The following SH3RF1 variants were observed in gnomAD, a reference collection of about 807,000 sequenced individuals.
SH3RF1 encodes SH3 domain containing ring finger 1.
A neutral mutation model predicts 74.0 loss-of-function variants in SH3RF1; 32 were observed. That is an observed-to-expected ratio of 0.43 (90% CI 0.33 to 0.58). The LOEUF (loss-of-function observed/expected upper bound fraction) is 0.58, where lower values mean the gene tolerates loss of function less well. Among genes scored for constraint, SH3RF1 ranks in the 20% least tolerant of loss-of-function variants. The probability of loss-of-function intolerance (pLI) is 0.05; values close to 1 mark genes in which losing one functional copy is unlikely to be tolerated. For synonymous variants in SH3RF1, 396 were observed against 439.6 expected, an observed-to-expected ratio of 0.90 and a Z score of 1.24; for missense variants, 954 against 1,130.9, an observed-to-expected ratio of 0.84 and a Z score of 2.24.
At chr4:169,194,138 G>C (rs541976975) in intron 2 of SH3RF1, among the ~76,000 whole-genome samples, 1 of 152,252 alleles carries the variant, frequency 6.6e-6, no homozygotes, top group African/African-American at 2.4e-5. Context: ...ATGAAGTTCA[G>C]GTAGTCGTCA....
At chr4:169,227,141 G>A (rs777117656) in intron 2 of SH3RF1, among the ~76,000 whole-genome samples, 50 of 151,804 alleles carry the variant, frequency 3.3e-4, no homozygotes, top group Non-Finnish European at 6.2e-4. Context: ...ACTCCAGCCC[G>A]GGTGACAGAG....
intron 2 of SH3RF1, chr4:169,204,056 ACT>A (rs1278227076): frequency 1.3e-5 from 2 of 152,228 alleles, no homozygotes; most frequent in Non-Finnish European, 2.9e-5. Flanking sequence ...ACTCCCTCTA[ACT>A]CTAACTCATT....
At chr4:169,196,861 T>C (rs1395752267) in intron 2 of SH3RF1, among the ~76,000 whole-genome samples, 2 of 152,208 alleles carry the variant, frequency 1.3e-5, no homozygotes, top group African/African-American at 4.8e-5. Context: ...GAAGTAGGTC[T>C]ATTATTGCTT....
intron 6 of SH3RF1, among the ~76,000 whole-genome samples, chr4:169,125,885 T>C (rs1030540732): frequency 2.0e-5 from 3 of 152,210 alleles, no homozygotes; most frequent in Admixed American, 2.0e-4. Context: ...GTCAACAGTG[T>C]TACCAAGTTC....
intron 2 of SH3RF1, among the ~76,000 whole-genome samples, chr4:169,208,546 T>C (rs1730301586): frequency 6.6e-6 from 1 of 152,204 alleles, no homozygotes; most frequent in Admixed American, 6.5e-5. Context: ...CATTCCTAAT[T>C]ACTAAATTAA....
intron 2 of SH3RF1, among the ~76,000 whole-genome samples, chr4:169,161,466 C>T (rs187965933): frequency 2.0e-5 from 3 of 152,258 alleles, no homozygotes; most frequent in East Asian, 3.9e-4. Context: ...ATACCATCAG[C>T]GGTATTCCAA....
chr4:169,165,640 G>A (rs189928777), intron 2 of SH3RF1, among the ~76,000 whole-genome samples: 27 of 132,462 alleles, frequency 2.0e-4, no homozygotes, highest in East Asian at 1.3e-3. Context: ...AAAAAGGCGG[G>A]GGGGGGAGTC....
intron 8 of SH3RF1, among the ~76,000 whole-genome samples, 156 bp from the exon 9 acceptor site, chr4:169,117,938 A>G (rs1733365261): frequency 6.6e-6 from 1 of 152,294 alleles, no homozygotes. Flanking sequence ...AGAAAATTCA[A>G]CGTAATGATG....
At chr4:169,162,168 TA>T (rs968681302) in intron 2 of SH3RF1, among the ~76,000 whole-genome samples, 4 of 151,050 alleles carry the variant, frequency 2.6e-5, no homozygotes, top group African/African-American at 9.7e-5. Context: ...GAAAAAAAAG[TA>T]AAAAAAAATA....
intron 2 of SH3RF1, among the ~76,000 whole-genome samples, chr4:169,195,231 T>C (rs1258824994): frequency 2.0e-5 from 3 of 152,344 alleles, no homozygotes; most frequent in African/African-American, 7.2e-5. Flanking sequence ...ATATTAAAGA[T>C]GTTGTTCCAT....
intron 11 of SH3RF1, among the ~76,000 whole-genome samples, chr4:169,101,761 G>A (rs933084647): frequency 1.3e-4 from 20 of 151,714 alleles, no homozygotes; most frequent in African/African-American, 4.1e-4. Context: ...TGAACAAAGC[G>A]CTGTGGAGGC....
intron 4 of SH3RF1, among the ~76,000 whole-genome samples, chr4:169,147,500 C>T (rs1419048045): frequency 1.3e-5 from 2 of 152,056 alleles, no homozygotes; most frequent in African/African-American, 4.8e-5. Flanking sequence ...ATGGTGATCG[C>T]CAAGAAAGAA....
chr4:169,136,009 T>C (rs1293353479), intron 5 of SH3RF1, among the ~76,000 whole-genome samples: 1 of 152,220 alleles, frequency 6.6e-6, no homozygotes, highest in East Asian at 1.9e-4. Flanking sequence ...AAAGCAGTAC[T>C]GTGAGAAAGT....
chr4:169,126,285 A>G (rs1284584929), intron 6 of SH3RF1, among the ~76,000 whole-genome samples: 1 of 152,190 alleles, frequency 6.6e-6, no homozygotes, highest in Non-Finnish European at 1.5e-5. Flanking sequence ...TATGGTATGG[A>G]ATAAGAGGTC....
intron 4 of SH3RF1, among the ~76,000 whole-genome samples, chr4:169,151,847 C>T (rs1439950321): frequency 6.6e-6 from 1 of 152,112 alleles, no homozygotes; most frequent in African/African-American, 2.4e-5. Flanking sequence ...TATAGTTCAC[C>T]GTAAGCCTAC....
intron 2 of SH3RF1, among the ~76,000 whole-genome samples, chr4:169,239,457 G>A (rs1310224881): frequency 3.9e-5 from 6 of 152,112 alleles, no homozygotes; most frequent in Admixed American, 2.0e-4. Flanking sequence ...GGCTGACCTT[G>A]GAACTAGTCA....
chr4:169,113,516 C>T (rs1363174340), intron 10 of SH3RF1, among the ~76,000 whole-genome samples: 4 of 152,166 alleles, frequency 2.6e-5, no homozygotes, highest in African/African-American at 9.7e-5. Flanking sequence ...AAATAAAACT[C>T]TTCCAGGAGA....
chr4:169,178,525 T>A (rs1483530049), intron 2 of SH3RF1, among the ~76,000 whole-genome samples: 2 of 151,986 alleles, frequency 1.3e-5, no homozygotes, highest in East Asian at 1.9e-4. Flanking sequence ...GGCCCAGACC[T>A]GGGTGGACAG....
chr4:169,138,305 T>C (rs1202443181), intron 4 of SH3RF1, among the ~76,000 whole-genome samples: 1 of 152,178 alleles, frequency 6.6e-6, no homozygotes, highest in African/African-American at 2.4e-5. Flanking sequence ...TAGGGTCCTC[T>C]TTCCTGCACA....
Sources: allele counts gnomAD v4.1 joint callset (sites outside exome capture counted in the v4.1 genomes callset), GRCh38; gene constraint gnomAD v4.1.1; transcripts MANE v1.5; gene names NCBI Gene and HGNC (gene_info 2026-07-23, HGNC 2026-07-21).